The following GABRB3 variants were observed in gnomAD, a reference collection of about 807,000 sequenced individuals.
GABRB3 encodes the protein gamma-aminobutyric acid receptor subunit beta-3.
GABRB3 carries 14 observed loss-of-function variants against 52.1 expected under a neutral mutation model. The observed-to-expected ratio is 0.27, with a 90% CI of 0.18 to 0.42. The LOEUF (loss-of-function observed/expected upper bound fraction) is 0.42. GABRB3 is among the 10% of genes least tolerant of loss of function. The probability of loss-of-function intolerance (pLI) is 1.00; values close to 1 mark genes in which losing one functional copy is unlikely to be tolerated. For missense variants in GABRB3, 307 were observed against 609.1 expected (o/e 0.50, Z 5.22); for synonymous variants, 260 against 232.3 (o/e 1.12, Z -1.08).
chr15:26,633,824 C>T (rs1351130016), intron 3 of GABRB3, among the ~76,000 whole-genome samples: 1 of 152,180 alleles, frequency 6.6e-6, no homozygotes, highest in East Asian at 1.9e-4. Flanking sequence ...TAACTAGACC[C>T]CCTTCCCCTT....
chr15:26,759,392 C>G (rs1372864221), intron 3 of GABRB3, among the ~76,000 whole-genome samples: 2 of 152,192 alleles, frequency 1.3e-5, no homozygotes, highest in African/African-American at 4.8e-5. Flanking sequence ...CCCTGAGTAG[C>G]TGGGATTACA....
chr15:26,584,257 C>T (rs1423383578), intron 4 of GABRB3, among the ~76,000 whole-genome samples: 1 of 152,130 alleles, frequency 6.6e-6, no homozygotes, highest in African/African-American at 2.4e-5. Context: ...GAGTTCTTAC[C>T]TTCAATTTTT....
intron 3 of GABRB3, among the ~76,000 whole-genome samples, chr15:26,654,939 C>A (rs1482149045): frequency 1.3e-5 from 2 of 152,000 alleles, no homozygotes; most frequent in African/African-American, 2.4e-5. Context: ...GTTAGCTTAT[C>A]CTCCCACCTC....
chr15:26,548,487 T>C (rs1889342407), intron 8 of GABRB3, among the ~76,000 whole-genome samples: 1 of 152,190 alleles, frequency 6.6e-6, no homozygotes, highest in Non-Finnish European at 1.5e-5. Flanking sequence ...TTTTCACAAC[T>C]ATACTTTGAA....
chr15:26,686,778 G>A (rs28510431), intron 3 of GABRB3, among the ~76,000 whole-genome samples: 45,744 of 152,176 alleles, frequency 0.3, 8,413 homozygotes, highest in East Asian at 0.52. Context: ...GGCACCCGGC[G>A]TGGGATGCCA....
intron 3 of GABRB3, among the ~76,000 whole-genome samples, chr15:26,633,697 G>GC (rs1468676802): frequency 6.6e-6 from 1 of 152,124 alleles, no homozygotes; most frequent in Non-Finnish European, 1.5e-5. Flanking sequence ...AACACCCAAA[G>GC]CCCCACGTCT....
chr15:26,609,808 T>A (rs1891999625), intron 4 of GABRB3, among the ~76,000 whole-genome samples: 2 of 152,200 alleles, frequency 1.3e-5, no homozygotes, highest in African/African-American at 4.8e-5. Context: ...AAAGTTTAGT[T>A]CAAATACTAG....
chr15:26,745,586 C>T (rs541895418), intron 3 of GABRB3, among the ~76,000 whole-genome samples: 1 of 152,328 alleles, frequency 6.6e-6, no homozygotes, highest in East Asian at 1.9e-4. Context: ...TTTTTTCTCA[C>T]ATCACAAGGC....
At chr15:26,638,900 C>A (rs993479000) in intron 3 of GABRB3, among the ~76,000 whole-genome samples, 2 of 152,196 alleles carry the variant, frequency 1.3e-5, no homozygotes, top group African/African-American at 4.8e-5. Flanking sequence ...CCCCACCACG[C>A]TCCGCCGGGA....
chr15:26,659,733 G>T (rs1205677174), intron 3 of GABRB3, among the ~76,000 whole-genome samples: 1 of 152,140 alleles, frequency 6.6e-6, no homozygotes, highest in African/African-American at 2.4e-5. Context: ...GAAAGGAGTA[G>T]TTTATTAGCA....
chr15:26,703,793 G>T (rs149952349), intron 3 of GABRB3, among the ~76,000 whole-genome samples: 2 of 152,330 alleles, frequency 1.3e-5, no homozygotes, highest in Non-Finnish European at 2.9e-5. Flanking sequence ...TAAGACTGAA[G>T]AACAATCTTT....
chr15:26,643,622 C>CTGTGTGTG (rs57144395), intron 3 of GABRB3, among the ~76,000 whole-genome samples: 2 of 149,512 alleles, frequency 1.3e-5, no homozygotes, highest in African/African-American at 2.5e-5. Context: ...TTTCATGACA[C>CTGTGTGTG]TGTGTGTGTG....
At position 26,556,345 on chromosome 15, in the gene GABRB3, A is replaced by G. The variant is rs146698828; in HGVS notation, c.1080+4587T>C. On this transcript the variant is annotated intron_variant, in intron 8 of 8. Coordinates refer to ENST00000311550, the MANE Select transcript of GABRB3 (RefSeq NM_000814.6). ...ATTCTCTAATTTTCTTCCAGCTTCT[A>G]GTTAAGTAAAATACTGTCGTTTTAG... 5.2e-3 allele frequency among the ~76,000 whole-genome samples: 796 copies of G among 152,274 alleles called. 6 individuals are homozygous for G. The highest frequency in any genetic ancestry group is 0.019 in the African/African-American group (769 of 41,542).
intron 3 of GABRB3, among the ~76,000 whole-genome samples, chr15:26,761,046 C>A (rs1890807687): frequency 6.6e-6 from 1 of 152,090 alleles, no homozygotes; most frequent in African/African-American, 2.4e-5. Flanking sequence ...AATACATCTG[C>A]CCCCGAGCTA....
chr15:26,674,624 C>G (rs1028559871), intron 3 of GABRB3, among the ~76,000 whole-genome samples: 1 of 151,898 alleles, frequency 6.6e-6, no homozygotes, highest in African/African-American at 2.4e-5. Flanking sequence ...GTGAGGGAGA[C>G]TGATAAGATC....
rs556769203 is a variant in GABRB3, at chr15:26,592,130, G to C, written c.462-8716C>G. 1.4e-4 allele frequency among the ~76,000 whole-genome samples: 21 copies of C among 152,298 alleles called. No homozygotes were observed. The South Asian group carries it at 4.3e-3, about 32-fold the overall frequency. Reference sequence around the variant, plus strand: ...AGCTGTCACAGCTGGAGGAAGCCCTGCATGCTGGGGTAGAAAATGTCACTC... The same window carrying C: ...AGCTGTCACAGCTGGAGGAAGCCCTCCATGCTGGGGTAGAAAATGTCACTC... On this transcript the variant is annotated intron_variant, in intron 4 of 8. Coordinates refer to ENST00000311550, the MANE Select transcript of GABRB3 (RefSeq NM_000814.6).
intron 3 of GABRB3, among the ~76,000 whole-genome samples, chr15:26,719,983 A>T (rs568223872): frequency 5.6e-4 from 85 of 152,316 alleles, no homozygotes; most frequent in Non-Finnish European, 9.7e-4. Flanking sequence ...AAAGAAGTGA[A>T]ATTTAAATGG....
At chr15:26,728,692 C>A (rs1889833854) in intron 3 of GABRB3, among the ~76,000 whole-genome samples, 1 of 152,198 alleles carries the variant, frequency 6.6e-6, no homozygotes, top group Non-Finnish European at 1.5e-5. Context: ...CGTATTTCAT[C>A]TTTCATGACG....
At chr15:26,638,062 T>C (rs1356941573) in intron 3 of GABRB3, among the ~76,000 whole-genome samples, 3 of 152,220 alleles carry the variant, frequency 2.0e-5, no homozygotes, top group Non-Finnish European at 2.9e-5. Context: ...ATAATGTGCA[T>C]TATAATTTAT....
Sources: allele counts gnomAD v4.1 joint callset (sites outside exome capture counted in the v4.1 genomes callset), GRCh38; gene constraint gnomAD v4.1.1; transcripts MANE v1.5; gene names NCBI Gene and HGNC (gene_info 2026-07-23, HGNC 2026-07-21).